Variants in RADX observed in about 807,000 individuals in gnomAD.
RADX encodes the protein RPA1 related single stranded DNA binding protein, X-linked.
Under a neutral mutation model 61.6 loss-of-function variants are expected in RADX, and 36 were observed. The ratio of observed to expected loss-of-function variants is 0.58; its 90% CI spans 0.45 to 0.77. The LOEUF is 0.77. Ranked by LOEUF, RADX falls within the 30% of genes least tolerant of loss-of-function variation. The probability of loss-of-function intolerance (pLI) is 0.00; values close to 1 mark genes in which losing one functional copy is unlikely to be tolerated. For synonymous variants in RADX, 272 were observed against 237.9 expected (o/e 1.14, Z -1.32); for missense variants, 497 against 651.1 (o/e 0.76, Z 2.58).
chrX:106,621,987 ATCATGGTTCACTGCAGCC>A (rs1479486048), intron 1 of RADX, among the ~76,000 whole-genome samples: 1 of 97,044 alleles, frequency 1.0e-5, no homozygotes, highest in Admixed American at 1.2e-4. Flanking sequence ...CAGTGGTGTG[ATCATGGTTCACTGCAGCC>A]TGGCTGCAGT....
intron 11 of RADX, among the ~76,000 whole-genome samples, chrX:106,650,812 C>T (rs767195089): frequency 1.7e-4 from 19 of 111,843 alleles, no homozygotes; most frequent in African/African-American, 5.5e-4. Context: ...GGTATCCACA[C>T]ACACACTTAT....
chrX:106,663,285 C>T (rs777661777), intron 12 of RADX, among the ~76,000 whole-genome samples: 18 of 111,228 alleles, frequency 1.6e-4, no homozygotes, highest in Non-Finnish European at 3.4e-4. Context: ...TCTTCCCTAC[C>T]TCCTCACATA....
At chrX:106,621,427 C>T (rs910472910) in intron 1 of RADX, among the ~76,000 whole-genome samples, 4 of 111,877 alleles carry the variant, frequency 3.6e-5, no homozygotes, top group South Asian at 3.7e-4. Context: ...AAGAAATACT[C>T]GTACTAATGC....
rs1212992735 is a variant in RADX at position 106,612,707 on chromosome X, G to A, written c.627G>A (p.Glu209=). The change falls in exon 1 of 14, where the codon GAG becomes GAA. Residue 209 remains glutamate, a synonymous_variant. Coordinates refer to ENST00000372548, the MANE Select transcript of RADX (RefSeq NM_018015.6). ...GDIWLTDKQP[E]EHNFSDTKII... is the part of the protein sequence containing the mutation. ...TCTGGTTAACAGACAAGCAACCTGAGGAACACAACTTTAGCGGTAAGTGTT... is the reference window on the plus strand; with the variant it reads ...TCTGGTTAACAGACAAGCAACCTGAAGAACACAACTTTAGCGGTAAGTGTT... The A allele has an allele frequency of 1.7e-6, 2 of 1,194,932 alleles. No individual in the cohort carries two copies. The highest frequency in any genetic ancestry group is 1.1e-6 in the Non-Finnish European group (1 of 889,273).
intron 13 of RADX, among the ~76,000 whole-genome samples, chrX:106,677,379 T>C (rs1928536509): frequency 8.9e-6 from 1 of 111,763 alleles, no homozygotes; most frequent in African/African-American, 3.3e-5. Flanking sequence ...CTCTAAGTTT[T>C]TGTCTAGATT....
At chrX:106,664,243 T>G (rs895693177) in intron 12 of RADX, among the ~76,000 whole-genome samples, 3 of 110,104 alleles carry the variant, frequency 2.7e-5, no homozygotes, top group Non-Finnish European at 3.8e-5. Context: ...TTGTTATTGT[T>G]TTTTTTCTGA....
intron 11 of RADX, among the ~76,000 whole-genome samples, chrX:106,650,933 A>G (rs1927779930): frequency 9.0e-6 from 1 of 111,521 alleles, no homozygotes; most frequent in Admixed American, 9.6e-5. Context: ...TAGAAAGGTA[A>G]AATACAAGTT....
intron 10 of RADX, among the ~76,000 whole-genome samples, chrX:106,641,860 T>C (rs748275027): frequency 1.8e-5 from 2 of 111,749 alleles, no homozygotes; most frequent in Admixed American, 1.9e-4. Flanking sequence ...TACATTTGCT[T>C]ACCAGTTGTT....
chrX:106,620,502 G>T (rs190176604), intron 1 of RADX, among the ~76,000 whole-genome samples: 239 of 109,793 alleles, frequency 2.2e-3, no homozygotes, highest in African/African-American at 7.8e-3. Context: ...GTGAAACCCC[G>T]TCTCTACTAA....
chrX:106,624,973 A>G (rs878975126), intron 2 of RADX, 117 bp from the exon 3 acceptor site: 3 of 396,386 alleles, frequency 7.6e-6, no homozygotes, highest in Non-Finnish European at 1.2e-5. Context: ...TTAATAAATA[A>G]TTAAAATTTA....
chrX:106,661,558 TGAA>T (rs1326771281), intron 11 of RADX, among the ~76,000 whole-genome samples: 1 of 109,932 alleles, frequency 9.1e-6, no homozygotes. Flanking sequence ...AGAGAAGTAA[TGAA>T]GAAGGAGACT....
Position 106,666,505 on chromosome X carries a change from A to G in RADX, c.2270-2658A>G, listed in dbSNP as rs756511599. On this transcript the variant is annotated intron_variant, in intron 12 of 13. Transcript: ENST00000372548. ...CAAAAAGGCTTTCAGCAAGGAAGGT[A>G]GCATACCCCAGAAGTAGAAATAATT... 5.3e-5 allele frequency among the ~76,000 whole-genome samples: 6 copies of G among 112,163 alleles called. No homozygotes were observed. The South Asian group carries it at 1.9e-3, about 35-fold the overall frequency.
At chrX:106,675,943 T>C (rs1391732953) in intron 13 of RADX, among the ~76,000 whole-genome samples, 1 of 111,703 alleles carries the variant, frequency 9.0e-6, no homozygotes, top group African/African-American at 3.3e-5. Context: ...AAATACCCTA[T>C]GATGTAGGTA....
intron 1 of RADX, among the ~76,000 whole-genome samples, chrX:106,621,635 T>C (rs1039442845): frequency 8.9e-5 from 10 of 112,000 alleles, no homozygotes; most frequent in African/African-American, 3.2e-4. Flanking sequence ...GTAAATTATA[T>C]GGCATATGAG....
intron 3 of RADX, among the ~76,000 whole-genome samples, chrX:106,625,781 T>TAC (rs760271628): frequency 9.1e-5 from 10 of 109,981 alleles, no homozygotes; most frequent in East Asian, 2.8e-4. Context: ...TACATATCTT[T>TAC]ACACACACAC....
In RADX at chrX:106,650,501, G is replaced by A. The variant is rs564278126; in HGVS notation, c.1978+2115G>A. 7.2e-5 allele frequency among the ~76,000 whole-genome samples: 8 copies of A among 110,928 alleles called. No individual in the cohort carries two copies. The South Asian group carries it at 3.1e-3, about 43-fold the overall frequency. ...CTACTGAAAGGCAGTGTGATCAGAT[G>A]TAACACATGGAAGAATTTATACCCC... On this transcript the variant is annotated intron_variant, in intron 11 of 13. Coordinates refer to ENST00000372548, the MANE Select transcript of RADX (RefSeq NM_018015.6).
chrX:106,617,558 T>G (rs1174041220), intron 1 of RADX, among the ~76,000 whole-genome samples: 1 of 111,922 alleles, frequency 8.9e-6, no homozygotes, highest in African/African-American at 3.3e-5. Context: ...CTATAACGTG[T>G]GCAATTTCAT....
At chrX:106,656,713 G>A (rs1011898885) in intron 11 of RADX, among the ~76,000 whole-genome samples, 7 of 111,629 alleles carry the variant, frequency 6.3e-5, no homozygotes, top group African/African-American at 2.3e-4. Context: ...CAGGTGCATT[G>A]TCAATAAGCA....
chrX:106,647,595 T>C (rs1376903472), intron 10 of RADX, among the ~76,000 whole-genome samples: 1 of 111,314 alleles, frequency 9.0e-6, no homozygotes, highest in Non-Finnish European at 1.9e-5. Flanking sequence ...TATACTAATT[T>C]ACATTCCTAC....
Sources: gnomAD v4.1 joint callset for allele counts (sites outside exome capture counted in the v4.1 genomes callset) on GRCh38, gnomAD v4.1.1 for gene constraint, MANE v1.5 for transcripts, NCBI Gene and HGNC (gene_info 2026-07-23, HGNC 2026-07-21) for gene names.